Variants in RFX2 observed in about 807,000 individuals in gnomAD.
RFX2 encodes regulatory factor X2, also known as DNA-binding protein RFX2.
Under a neutral mutation model 87.8 loss-of-function variants are expected in RFX2, and 20 were observed. The observed-to-expected ratio is 0.23, with a 90% CI of 0.16 to 0.33. RFX2 has a LOEUF of 0.33. Among genes scored for constraint, RFX2 ranks in the 10% least tolerant of loss-of-function variants. The pLI is 1.00. For synonymous variants in RFX2, 397 were observed against 431.3 expected (o/e 0.92, Z 0.98); for missense variants, 767 against 1,012.3 (o/e 0.76, Z 3.29).
intron 5 of RFX2, among the ~76,000 whole-genome samples, chr19:6,037,868 T>C (rs1005569681): frequency 6.6e-6 from 1 of 152,138 alleles, no homozygotes; most frequent in African/African-American, 2.4e-5. Flanking sequence ...TATGGCCAAC[T>C]GATTTTTGAC....
At chr19:6,032,262 C>T (rs1341956992) in intron 5 of RFX2, among the ~76,000 whole-genome samples, 1 of 152,108 alleles carries the variant, frequency 6.6e-6, no homozygotes, top group South Asian at 2.1e-4. Flanking sequence ...GCTGAGACTA[C>T]AGGTGCGTGC....
Position 6,006,775 on chromosome 19 carries a change from T to A in RFX2, c.1402+237A>T, listed in dbSNP as rs542123084. Among the ~76,000 whole-genome samples the A allele has an allele frequency of 8.3e-4, 126 of 151,302 alleles. 1 individual carries two copies. The highest frequency in any genetic ancestry group is 5.0e-4 in the Non-Finnish European group (34 of 67,734). ...CCAGATAAATTTTTTTTTTTTTTTT[T>A]AGAGACAGGGTCTCACTATGCTGCC... On this transcript the variant is annotated intron_variant, in intron 12 of 17. Transcript: ENST00000303657.
chr19:6,072,649 G>C (rs527615563), intron 1 of RFX2, among the ~76,000 whole-genome samples: 183 of 152,240 alleles, frequency 1.2e-3, no homozygotes, highest in African/African-American at 4.3e-3. Flanking sequence ...AGGATGCAGT[G>C]AGCAATGATT....
intron 5 of RFX2, among the ~76,000 whole-genome samples, chr19:6,035,848 GGGGTGTGT>G (rs1328919175): frequency 0.028 from 2,422 of 85,368 alleles, 53 homozygotes; most frequent in African/African-American, 0.13. Context: ...AGCTTGGTGG[GGGGTGTGT>G]GTGTGTGTGT....
At chr19:6,043,351 C>T (rs2087139217) in intron 3 of RFX2, among the ~76,000 whole-genome samples, 2 of 152,228 alleles carry the variant, frequency 1.3e-5, no homozygotes, top group South Asian at 4.1e-4. Flanking sequence ...TCCTAGTTCT[C>T]ATGGACACAG....
chr19:5,994,964 G>A lies in RFX2; in HGVS notation c.2057-14C>T. The A allele has an allele frequency of 6.3e-7, 1 of 1,591,742 alleles. No individual in the cohort carries two copies. The highest frequency in any genetic ancestry group is 8.6e-7 in the Non-Finnish European group (1 of 1,169,200). On this transcript the variant is annotated splice_polypyrimidine_tract_variant and intron_variant, in intron 17 of 17. Transcript: ENST00000303657. ...CGCCCATGTCATCTGCGGAGGGAGG[G>A]GTAGGGTCAGTGTCCATCATCAGGA...
At chr19:5,995,056 G>A (rs914843077) in intron 17 of RFX2, 106 bp from the exon 18 acceptor site, 9 of 856,114 alleles carry the variant, frequency 1.1e-5, no homozygotes, top group African/African-American at 3.3e-5. Flanking sequence ...GCAGGGCACC[G>A]AGGATACATG....
chr19:6,046,503 C>T lies in RFX2; in HGVS notation c.90+904G>A, dbSNP rs566309926. The stretch of plus-strand genomic sequence containing the variant: ...GGCTAAGACAGGAGAATCACTTGAA[C>T]CTGGGAGATCGTGCCACTGCACTCC... On this transcript the variant is annotated intron_variant, in intron 2 of 17. Transcript: ENST00000303657. Among the ~76,000 whole-genome samples, 641 of 151,190 alleles carry T rather than the reference C, an allele frequency of 4.2e-3. 2 individuals carry two copies. Among genetic ancestry groups the T allele is most frequent in the Non-Finnish European group, 6.2e-3 (419 of 67,896 alleles).
intron 5 of RFX2, among the ~76,000 whole-genome samples, chr19:6,035,748 T>A (rs1376593732): frequency 6.6e-6 from 1 of 152,164 alleles, no homozygotes; most frequent in African/African-American, 2.4e-5. Context: ...CCTTGTTGGA[T>A]GTTCTTATGC....
chr19:6,084,726 C>T (rs930721744), intron 1 of RFX2, among the ~76,000 whole-genome samples: 3 of 151,638 alleles, frequency 2.0e-5, no homozygotes, highest in South Asian at 2.1e-4. Flanking sequence ...CCTCTGCCTC[C>T]TGGGTTCAAG....
intron 1 of RFX2, among the ~76,000 whole-genome samples, chr19:6,075,612 A>G (rs1011508188): frequency 7.2e-5 from 11 of 152,192 alleles, no homozygotes; most frequent in African/African-American, 2.7e-4. Context: ...TGGCCTGAGC[A>G]CCTAGAGAAT....
chr19:6,086,327 C>A (rs562795540), intron 1 of RFX2, among the ~76,000 whole-genome samples: 1 of 152,248 alleles, frequency 6.6e-6, no homozygotes, highest in South Asian at 2.1e-4. Flanking sequence ...GTGATACTTA[C>A]AGAAACCTAG....
rs1321727949 is a variant in RFX2, at chr19:6,039,112, T to C, written c.522+868A>G. Among the ~76,000 whole-genome samples the C allele has an allele frequency of 1.3e-5, 2 of 152,114 alleles. No homozygotes were observed. On this transcript the variant is annotated intron_variant, in intron 5 of 17. Coordinates refer to ENST00000303657, the MANE Select transcript of RFX2 (RefSeq NM_000635.4). The surrounding 1 kb of genome is among the most constrained non-coding windows in gnomAD (Gnocchi z 5.2). Reference sequence around the variant, plus strand: ...AATGAATAAACAAACTGTAGTGTAATAGAATATTACTCAGTAACAAAAAAA... The same window carrying C: ...AATGAATAAACAAACTGTAGTGTAACAGAATATTACTCAGTAACAAAAAAA...
intron 1 of RFX2, among the ~76,000 whole-genome samples, chr19:6,060,022 A>AT (rs1388731017): frequency 1.3e-5 from 2 of 152,150 alleles, no homozygotes; most frequent in Non-Finnish European, 2.9e-5. Context: ...CTCAAAGTAC[A>AT]TTTTTTTCTC....
chr19:6,057,591 T>C (rs1220721084), intron 1 of RFX2, among the ~76,000 whole-genome samples: 2 of 152,240 alleles, frequency 1.3e-5, no homozygotes, highest in Non-Finnish European at 2.9e-5. Context: ...GTTACCTTCA[T>C]TCTGATTGGC....
Position 6,064,934 on chromosome 19 carries a change from C to G in RFX2, c.-8-17430G>C, listed in dbSNP as rs75440873. On this transcript the variant is annotated intron_variant, in intron 1 of 17. Transcript: ENST00000303657. This position sits in a 1 kb window ranked among gnomAD's most constrained non-coding sequence, Gnocchi z 4.8. The stretch of plus-strand genomic sequence containing the variant: ...GAGGCCCCTTTAAAAACCACCTAAC[C>G]CAGCTCTTTCATCAAACAGATGAAG... 1.7e-3 allele frequency among the ~76,000 whole-genome samples: 255 copies of G among 152,310 alleles called. 6 individuals are homozygous for G. In the East Asian group the frequency reaches 0.046, roughly 28 times the overall value.
rs1157920375 is a variant in RFX2 at position 6,010,246 on chromosome 19, C to T, written c.905G>A (p.Arg302Gln). The T allele has an allele frequency of 6.5e-6, 10 of 1,545,968 alleles. No homozygotes were observed. The highest frequency in any genetic ancestry group is 1.2e-5 in the South Asian group (1 of 83,968). ...QQPMHQKPRY[R>Q]PAQKTDSLGD... ...GAGGCTGTCCGTCTTCTGGGCTGGC[C>T]GGTACCTAGGCCAGGAACACGCATA... is the stretch of plus-strand genomic sequence containing the variant. Residue 302 changes from arginine to glutamine, a missense_variant, in exon 9 of 18, where the codon CGG becomes CAG. Around this residue, in one of 2 missense-constraint regions of RFX2, gnomAD observed 621 missense variants for 873.0 expected, o/e 0.71. Transcript: ENST00000303657. This position sits in a 1 kb window ranked among gnomAD's most constrained non-coding sequence, Gnocchi z 5.0.
intron 1 of RFX2, among the ~76,000 whole-genome samples, chr19:6,099,908 G>A (rs2088092063): frequency 6.6e-6 from 1 of 152,200 alleles, no homozygotes; most frequent in Non-Finnish European, 1.5e-5. Flanking sequence ...ACCACTTGGG[G>A]AAAGGGGAGT....
chr19:6,040,749 A>G lies in RFX2; in HGVS notation c.261-508T>C, dbSNP rs2087095515. 6.6e-6 allele frequency among the ~76,000 whole-genome samples: 1 copy of G among 152,112 alleles called. No individual in the cohort carries two copies. The highest frequency in any genetic ancestry group is 2.4e-5 in the African/African-American group (1 of 41,424). On this transcript the variant is annotated intron_variant, in intron 4 of 17. Transcript: ENST00000303657. The surrounding 1 kb of genome is among the most constrained non-coding windows in gnomAD (Gnocchi z 6.1). ...ACTTTAGCCTGGGCAACAGAGCAAG[A>G]CCCTATCTCTTAAAAAAAATAAATA...
Sources: allele counts gnomAD v4.1 joint callset (sites outside exome capture counted in the v4.1 genomes callset), GRCh38; gene constraint gnomAD v4.1.1; regional missense constraint gnomAD v4.1.1; non-coding constraint Gnocchi (gnomAD v3.1); transcripts MANE v1.5; gene names NCBI Gene and HGNC (gene_info 2026-07-23, HGNC 2026-07-21).